The following METAP2 variants were observed in gnomAD, a reference collection of about 807,000 sequenced individuals.
METAP2 encodes the protein methionyl aminopeptidase 2.
A neutral mutation model predicts 59.4 loss-of-function variants in METAP2; 25 were observed. The ratio of observed to expected loss-of-function variants is 0.42; its 90% confidence interval spans 0.31 to 0.59. The LOEUF (loss-of-function observed/expected upper bound fraction) is 0.59, where lower values mean the gene tolerates loss of function less well. Ranked by LOEUF, METAP2 falls within the 20% of genes least tolerant of loss-of-function variation. METAP2 has a pLI of 0.16. For synonymous variants in METAP2, 214 were observed against 194.1 expected (o/e 1.10, Z -0.85); for missense variants, 366 against 581.2 (o/e 0.63, Z 3.81).
In METAP2 at chr12:95,495,073, C is replaced by T. The variant is rs746781814; in HGVS notation, c.707C>T (p.Ala236Val). ...TGTGCTGCCCATTATACTCCCAATG[C>T]CGGTGACACAACAGTATTACAGTAT... ...NNCAAHYTPNAGDTTVLQYDD... is the reference protein window; with the variant it reads ...NNCAAHYTPNVGDTTVLQYDD... The change falls in exon 6 of 11, where the codon GCC becomes GTC. Residue 236 changes from alanine to valine, a missense_variant. By Grantham distance (64) the Ala-to-Val change is moderately conservative. Transcript: ENST00000323666. 1.2e-6 allele frequency: 2 copies of T among 1,613,492 alleles called. No individual in the cohort carries two copies. The highest frequency in any genetic ancestry group is 2.2e-5 in the South Asian group (2 of 91,028).
chr12:95,494,333 G>A (rs984747652), intron 5 of METAP2, 116 bp downstream of exon 5: 4 of 992,838 alleles, frequency 4.0e-6, no homozygotes, highest in African/African-American at 3.3e-5. Context: ...AGTAAAGGTT[G>A]TAGAAATGCC....
intron 4 of METAP2, among the ~76,000 whole-genome samples, chr12:95,490,319 C>A (rs1429720447): frequency 7.6e-6 from 1 of 132,080 alleles, no homozygotes; most frequent in Non-Finnish European, 1.6e-5. Flanking sequence ...ACTGCATTTT[C>A]GGCTGGAATA....
At chr12:95,492,592 G>A (rs904445538) in intron 4 of METAP2, among the ~76,000 whole-genome samples, 2 of 151,606 alleles carry the variant, frequency 1.3e-5, no homozygotes, top group Non-Finnish European at 2.9e-5. Flanking sequence ...TAGAGACAGG[G>A]TCTTGGTCTG....
At position 95,477,548 on chromosome 12, in the gene METAP2, T is replaced by C. The variant is rs1030320416; in HGVS notation, c.259+1370T>C. On this transcript the variant is annotated intron_variant, in intron 2 of 10. Coordinates refer to ENST00000323666, the MANE Select transcript of METAP2 (RefSeq NM_006838.4). The stretch of plus-strand genomic sequence containing the variant: ...AAAGACAGCAACTGCTAATTGATGT[T>C]ATCAGTAAAACAGTGAAGGAAGAGA... Among the ~76,000 whole-genome samples, 3 of 152,336 alleles carry C rather than the reference T, an allele frequency of 2.0e-5. No homozygotes were observed. The East Asian group carries it at 5.8e-4, about 29-fold the overall frequency.
intron 1 of METAP2, among the ~76,000 whole-genome samples, 179 bp downstream of exon 1, chr12:95,474,509 C>T (rs2076102931): frequency 6.6e-6 from 1 of 152,186 alleles, no homozygotes; most frequent in African/African-American, 2.4e-5. Flanking sequence ...TCATCTCCTC[C>T]TGTGGGACTA....
At chr12:95,510,836 A>G (rs1429188885) in intron 8 of METAP2, among the ~76,000 whole-genome samples, 1 of 152,202 alleles carries the variant, frequency 6.6e-6, no homozygotes, top group East Asian at 1.9e-4. Flanking sequence ...TTACTACCTA[A>G]TTATGCATCC....
At chr12:95,507,043 C>T (rs2076366534) in intron 8 of METAP2, among the ~76,000 whole-genome samples, 1 of 152,038 alleles carries the variant, frequency 6.6e-6, no homozygotes, top group East Asian at 1.9e-4. Flanking sequence ...GCTGGGATTA[C>T]AGGCGTGAGC....
intron 4 of METAP2, among the ~76,000 whole-genome samples, chr12:95,493,149 T>C (rs1594423224): frequency 6.6e-6 from 1 of 152,284 alleles, no homozygotes; most frequent in East Asian, 1.9e-4. Context: ...TTTTTCCTAC[T>C]ACAGGAGTCA....
intron 4 of METAP2, among the ~76,000 whole-genome samples, chr12:95,488,376 G>A (rs2076212726): frequency 6.6e-6 from 1 of 151,734 alleles, no homozygotes; most frequent in Non-Finnish European, 1.5e-5. Context: ...GGGTGCAGTG[G>A]TGCGTGCCTG....
At chr12:95,484,709 C>G (rs1304033728) in intron 3 of METAP2, 2 of 359,602 alleles carry the variant, frequency 5.6e-6, no homozygotes, top group African/African-American at 4.4e-5. Flanking sequence ...TTATGAGGTA[C>G]TCTTTTTTTT....
At chr12:95,482,724 G>T (rs1002870712) in intron 2 of METAP2, among the ~76,000 whole-genome samples, 36 of 152,234 alleles carry the variant, frequency 2.4e-4, no homozygotes, top group African/African-American at 8.2e-4. Context: ...CCTGGGAGGC[G>T]GAGGTTGCAG....
At chr12:95,479,504 T>TA (rs1455199860) in intron 2 of METAP2, among the ~76,000 whole-genome samples, 6 of 152,220 alleles carry the variant, frequency 3.9e-5, no homozygotes, top group African/African-American at 1.4e-4. Context: ...GGTATTGGTA[T>TA]AAAAAGTTGA....
At chr12:95,499,931 T>C (rs1337462311) in intron 7 of METAP2, among the ~76,000 whole-genome samples, 1 of 152,160 alleles carries the variant, frequency 6.6e-6, no homozygotes, top group Non-Finnish European at 1.5e-5. Flanking sequence ...GAGAACTTCC[T>C]ATCATGAGAA....
chr12:95,497,860 G>A (rs2076286377), intron 7 of METAP2, among the ~76,000 whole-genome samples: 1 of 151,886 alleles, frequency 6.6e-6, no homozygotes, highest in South Asian at 2.1e-4. Flanking sequence ...AGATGTGGTG[G>A]CTCATGCCTG....
At chr12:95,486,356 C>A (rs1281613035) in intron 4 of METAP2, among the ~76,000 whole-genome samples, 1 of 152,016 alleles carries the variant, frequency 6.6e-6, no homozygotes, top group East Asian at 1.9e-4. Flanking sequence ...GGGTTGATGT[C>A]TACTATATCT....
In METAP2 at chr12:95,474,253, A is replaced by T; in HGVS notation, c.74A>T (p.Glu25Val). 6.2e-7 allele frequency: 1 copy of T among 1,614,244 alleles called. No homozygotes were observed. Among genetic ancestry groups the T allele is most frequent in the Non-Finnish European group, 8.5e-7 (1 of 1,180,038 alleles). The change falls in exon 1 of 11, where the codon GAA becomes GTA. Residue 25 changes from glutamate to valine, a missense_variant. Coordinates refer to ENST00000323666, the MANE Select transcript of METAP2 (RefSeq NM_006838.4). ...GACCTGGATCCAGACGACAGGGAAG[A>T]AGGAGCTGCCTCTACGGCTGAGGAA... is the stretch of plus-strand genomic sequence containing the variant. ...NGDLDPDDREEGAASTAEEAA... is the reference protein window; with the variant it reads ...NGDLDPDDREVGAASTAEEAA...
rs556844327 is a variant in METAP2, at chr12:95,489,011, AT to A, written c.428+3036del. Among the ~76,000 whole-genome samples, 157 of 152,014 alleles carry A rather than the reference AT, an allele frequency of 1.0e-3. 2 individuals carry two copies. The highest frequency in any genetic ancestry group is 1.7e-3 in the Non-Finnish European group (117 of 67,924). On this transcript the variant is annotated intron_variant, in intron 4 of 10. Transcript: ENST00000323666. ...TCCAATGTCATGGGATGTTTTTGAT[AT>A]TTTTTCACTTATTCAATTTTATTTT...
intron 4 of METAP2, among the ~76,000 whole-genome samples, chr12:95,487,257 A>G (rs937596324): frequency 6.6e-6 from 1 of 152,202 alleles, no homozygotes; most frequent in Non-Finnish European, 1.5e-5. Flanking sequence ...CAGTGGTTGC[A>G]GTCGTTGGTT....
At position 95,503,533 on chromosome 12, in the gene METAP2, G is replaced by A. The variant is rs149767741; in HGVS notation, c.868-532G>A. On this transcript the variant is annotated intron_variant, in intron 7 of 10. Transcript: ENST00000323666. Reference sequence around the variant, plus strand: ...TGTAAGCGCTGAGGTGTGCAACTATGAGGGGAGATGCAACAACAGTGGCCA... The same window carrying A: ...TGTAAGCGCTGAGGTGTGCAACTATAAGGGGAGATGCAACAACAGTGGCCA... Among the ~76,000 whole-genome samples, 828 of 152,266 alleles carry A rather than the reference G, an allele frequency of 5.4e-3. 11 individuals carry two copies. Among genetic ancestry groups the A allele is most frequent in the African/African-American group, 0.019 (794 of 41,532 alleles).
Sources: gnomAD v4.1 joint callset for allele counts (sites outside exome capture counted in the v4.1 genomes callset) on GRCh38, gnomAD v4.1.1 for gene constraint, MANE v1.5 for transcripts, NCBI Gene and HGNC (gene_info 2026-07-23, HGNC 2026-07-21) for gene names.